CPAMD8: variants seen among roughly 807,000 people sequenced by gnomAD.
The protein encoded by CPAMD8 is C3 and PZP-like alpha-2-macroglobulin domain-containing protein 8.
CPAMD8 carries 146 observed loss-of-function variants against 224.7 expected under a neutral mutation model. The ratio of observed to expected loss-of-function variants is 0.65; its 90% CI spans 0.57 to 0.75. The LOEUF is 0.75. Among genes scored for constraint, CPAMD8 ranks in the 30% least tolerant of loss-of-function variants. CPAMD8 has a pLI of 0.00. For synonymous variants in CPAMD8, 966 were observed against 1,044.6 expected (o/e 0.92, Z 1.45); for missense variants, 2,301 against 2,537.5 (o/e 0.91, Z 2.00).
intron 26 of CPAMD8, among the ~76,000 whole-genome samples, chr19:16,924,884 C>T (rs1220333209): frequency 2.0e-5 from 3 of 151,386 alleles, no homozygotes; most frequent in East Asian, 1.9e-4. Flanking sequence ...TGTGCCTGGC[C>T]TTCTCTTTTA....
chr19:16,993,611 A>C (rs2056032453), intron 11 of CPAMD8, 25 bp from the exon 12 acceptor site: 1 of 1,611,300 alleles, frequency 6.2e-7, no homozygotes, highest in Non-Finnish European at 8.5e-7. Context: ...CCAAGACACA[A>C]CAGAGTTAAG....
Position 16,952,215 on chromosome 19 carries a change from A to C in CPAMD8, c.2277-15T>G. ...CAGATGGGTCACTGCGGAGAGACAGACAGCCATGATGGGGGGCCCTTCTCC... is the reference window on the plus strand; with the variant it reads ...CAGATGGGTCACTGCGGAGAGACAGCCAGCCATGATGGGGGGCCCTTCTCC... On this transcript the variant is annotated splice_polypyrimidine_tract_variant and intron_variant, in intron 19 of 41. Transcript: ENST00000443236. 2 of 1,425,650 alleles carry C rather than the reference A, an allele frequency of 1.4e-6. No individual in the cohort carries two copies. Among genetic ancestry groups the C allele is most frequent in the South Asian group, 1.2e-5 (1 of 81,394 alleles). 88.3% of individuals were successfully genotyped at this position (1,425,650 alleles called of 1,614,324 possible). A position where few individuals can be genotyped will look rare whatever the true frequency, so the allele number is the denominator to read the frequency against.
rs2054811251 is a variant in CPAMD8 at position 16,965,900 on chromosome 19, T to A, written c.2213+4991A>T. Among the ~76,000 whole-genome samples, 3 of 152,052 alleles carry A rather than the reference T, an allele frequency of 2.0e-5. No homozygotes were observed. The South Asian group carries it at 6.2e-4, about 32-fold the overall frequency. Reference sequence around the variant, plus strand: ...AACGGATAGGAAGAATCAATATAGTTAAAATGGCCATACTGCCCAAGGTAA... The same window carrying A: ...AACGGATAGGAAGAATCAATATAGTAAAAATGGCCATACTGCCCAAGGTAA... On this transcript the variant is annotated intron_variant, in intron 18 of 41. Coordinates refer to ENST00000443236, the MANE Select transcript of CPAMD8 (RefSeq NM_015692.5).
Position 16,893,171 on chromosome 19 carries a change from G to T in CPAMD8, c.5595C>A (p.Ser1865Arg). ...CCTCCCCACCACTCTGAAAGGCTGG[G>T]CTGTAGACGAAGACAGGGCTCAGAA... ...PGLLSPVFVY[S>R]PAFQSGGEEG... is the part of the protein sequence containing the mutation. Residue 1865 changes from serine (S) to arginine (R), a missense_variant, in exon 42 of 42, where the codon AGC (serine) becomes AGA (arginine). Transcript: ENST00000443236. 1 of 1,593,448 alleles carries T rather than the reference G, an allele frequency of 6.3e-7. No individual in the cohort carries two copies. The highest frequency in any genetic ancestry group is 8.6e-7 in the Non-Finnish European group (1 of 1,163,630).
chr19:16,952,576 C>T (rs2122377509), intron 19 of CPAMD8, among the ~76,000 whole-genome samples: 1 of 152,246 alleles, frequency 6.6e-6, no homozygotes, highest in Middle Eastern at 3.4e-3. Context: ...ACTCAGGAGG[C>T]TGAAGTGGGG....
chr19:16,979,825 A>G (rs2055443146), intron 14 of CPAMD8, among the ~76,000 whole-genome samples: 2 of 152,120 alleles, frequency 1.3e-5, no homozygotes. Flanking sequence ...CTGCCTATCT[A>G]TCTATCCACC....
intron 27 of CPAMD8, among the ~76,000 whole-genome samples, chr19:16,918,773 T>G (rs2053058755): frequency 6.8e-6 from 1 of 147,190 alleles, no homozygotes; most frequent in Non-Finnish European, 1.5e-5. Context: ...TTTTTCTGAA[T>G]AGTTTCGATC....
At chr19:16,896,695 C>T in intron 39 of CPAMD8, 30 bp from the exon 40 acceptor site, 1 of 1,375,984 alleles carries the variant, frequency 7.3e-7, no homozygotes, top group Non-Finnish European at 9.4e-7. Context: ...CGACAGACCC[C>T]CCACCCTGAA....
At chr19:16,970,749 G>C in intron 18 of CPAMD8, 142 bp downstream of exon 18, 1 of 795,140 alleles carries the variant, frequency 1.3e-6, no homozygotes, top group Non-Finnish European at 2.0e-6. Context: ...CAAGCCCCAA[G>C]AACCATGTGA....
chr19:16,941,757 G>A (rs537811782), intron 22 of CPAMD8, among the ~76,000 whole-genome samples: 1 of 151,656 alleles, frequency 6.6e-6, no homozygotes, highest in African/African-American at 2.4e-5. Flanking sequence ...AGTGGATCAC[G>A]AGGTCAAGAG....
intron 20 of CPAMD8, among the ~76,000 whole-genome samples, 191 bp from the exon 21 acceptor site, chr19:16,947,418 C>T (rs983215161): frequency 2.0e-5 from 3 of 152,192 alleles, no homozygotes; most frequent in Admixed American, 2.0e-4. Context: ...TCTGGTGCCC[C>T]ACTTGGCCTT....
chr19:16,972,656 G>A (rs185373526), intron 17 of CPAMD8, among the ~76,000 whole-genome samples: 38 of 152,048 alleles, frequency 2.5e-4, no homozygotes, highest in African/African-American at 8.0e-4. Context: ...AGATGGTCTC[G>A]ATCTCCTGAC....
intron 6 of CPAMD8, 121 bp from the exon 7 acceptor site, chr19:17,008,680 A>G: frequency 9.0e-7 from 1 of 1,105,558 alleles, no homozygotes; most frequent in Non-Finnish European, 1.4e-6. Context: ...CGAAGGTCCC[A>G]AGATTAATCA....
chr19:16,937,222 C>T (rs2053724031), intron 23 of CPAMD8, among the ~76,000 whole-genome samples: 1 of 151,970 alleles, frequency 6.6e-6, no homozygotes, highest in Admixed American at 6.6e-5. Flanking sequence ...ACAACCTCCA[C>T]CTCCTGGGCT....
At chr19:16,923,142 G>T (rs752904480) in intron 26 of CPAMD8, among the ~76,000 whole-genome samples, 1 of 152,246 alleles carries the variant, frequency 6.6e-6, no homozygotes, top group Non-Finnish European at 1.5e-5. Flanking sequence ...TGAGGTGAGA[G>T]GCCGGTGGGC....
chr19:16,901,701 C>T (rs960922083), intron 35 of CPAMD8, among the ~76,000 whole-genome samples: 1 of 152,172 alleles, frequency 6.6e-6, no homozygotes, highest in East Asian at 1.9e-4. Context: ...CCCCTAGCTC[C>T]GGCCTCAGTT....
Position 16,989,592 on chromosome 19 carries a change from T to G in CPAMD8, c.1395+51A>C, listed in dbSNP as rs141203795. The G allele has an allele frequency of 1.7e-4, 269 of 1,587,830 alleles. 2 individuals carry two copies. The African/African-American group carries it at 3.4e-3, about 20-fold the overall frequency. ...ATGAGCCACAGCACCTGGCTCATGC[T>G]GCTTTTTGGATCCCGCATGGCCCAG... On this transcript the variant is annotated intron_variant, in intron 13 of 41. Transcript: ENST00000443236.
At position 16,987,278 on chromosome 19, in the gene CPAMD8, T is replaced by G. The variant is rs147796624; in HGVS notation, c.1395+2365A>C. 2.7e-5 allele frequency among the ~76,000 whole-genome samples: 4 copies of G among 146,386 alleles called. No individual in the cohort carries two copies. In the East Asian group the frequency reaches 8.1e-4, roughly 30 times the overall value. ...GCATATCCATATATATGCACATATA[T>G]ACAGTTGACCCTTGAGAAATACAGG... On this transcript the variant is annotated intron_variant, in intron 13 of 41. Coordinates refer to ENST00000443236, the MANE Select transcript of CPAMD8 (RefSeq NM_015692.5).
intron 22 of CPAMD8, among the ~76,000 whole-genome samples, chr19:16,943,921 T>G (rs1296185905): frequency 2.6e-5 from 4 of 152,088 alleles, no homozygotes; most frequent in Non-Finnish European, 5.9e-5. Flanking sequence ...TCCTCTTTGC[T>G]CCTTGGAATT....
Sources: gnomAD v4.1 joint callset for allele counts (sites outside exome capture counted in the v4.1 genomes callset) on GRCh38, gnomAD v4.1.1 for gene constraint, MANE v1.5 for transcripts, NCBI Gene and HGNC (gene_info 2026-07-23, HGNC 2026-07-21) for gene names.